The following CADM2 variants were observed in gnomAD, a reference collection of about 807,000 sequenced individuals.
CADM2 encodes the protein immunoglobulin superfamily member 4D.
In CADM2, 12 loss-of-function variants were observed where a neutral mutation model predicts 49.8. The observed-to-expected ratio is 0.24, with a 90% confidence interval of 0.15 to 0.39. The LOEUF is 0.39. CADM2 is among the 10% of genes least tolerant of loss of function. CADM2 has a pLI of 1.00. For synonymous variants in CADM2, 214 were observed against 175.4 expected (o/e 1.22, Z -1.74); for missense variants, 378 against 492.3 (o/e 0.77, Z 2.20).
At chr3:85,626,803 A>G (rs1370066632) in intron 1 of CADM2, among the ~76,000 whole-genome samples, 5 of 151,986 alleles carry the variant, frequency 3.3e-5, no homozygotes, top group Non-Finnish European at 5.9e-5. Context: ...AGGCTGTTAG[A>G]TAAACATGAA....
At chr3:85,831,073 A>G (rs991283105) in intron 3 of CADM2, among the ~76,000 whole-genome samples, 3 of 151,740 alleles carry the variant, frequency 2.0e-5, no homozygotes, top group Non-Finnish European at 4.4e-5. Context: ...TCTCACTTAT[A>G]AGAGAGAACC....
chr3:85,618,972 C>G (rs2063884975), intron 1 of CADM2, among the ~76,000 whole-genome samples: 1 of 151,526 alleles, frequency 6.6e-6, no homozygotes, highest in African/African-American at 2.4e-5. Context: ...ACCCGGGAGG[C>G]AGAGGTTGCA....
intron 3 of CADM2, among the ~76,000 whole-genome samples, chr3:85,854,293 G>T (rs757537290): frequency 6.6e-6 from 1 of 152,060 alleles, no homozygotes; most frequent in Non-Finnish European, 1.5e-5. Flanking sequence ...ATACCCAAAG[G>T]ATTATATTTC....
At chr3:85,959,614 A>G (rs1206474377) in intron 7 of CADM2, among the ~76,000 whole-genome samples, 3 of 151,902 alleles carry the variant, frequency 2.0e-5, no homozygotes, top group Admixed American at 6.6e-5. Flanking sequence ...ACAGTCATGC[A>G]CCATATAACA....
At chr3:85,917,561 G>A (rs1718522937) in intron 6 of CADM2, among the ~76,000 whole-genome samples, 2 of 152,138 alleles carry the variant, frequency 1.3e-5, no homozygotes, top group Non-Finnish European at 2.9e-5. Context: ...TGCTGTTTTG[G>A]TTACTGTAGC....
chr3:85,716,781 A>G (rs1050551740), intron 1 of CADM2, among the ~76,000 whole-genome samples: 2 of 152,066 alleles, frequency 1.3e-5, no homozygotes, highest in African/African-American at 4.8e-5. Context: ...AGTTTTTGTC[A>G]GGTTTTCAAA....
At chr3:85,722,370 T>A (rs2067537012) in intron 1 of CADM2, among the ~76,000 whole-genome samples, 1 of 152,190 alleles carries the variant, frequency 6.6e-6, no homozygotes, top group Admixed American at 6.5e-5. Flanking sequence ...TTAAAAAATC[T>A]AAGCTCTAAC....
At chr3:85,413,571 G>A (rs1245175783) in intron 1 of CADM2, among the ~76,000 whole-genome samples, 3 of 152,150 alleles carry the variant, frequency 2.0e-5, no homozygotes, top group African/African-American at 2.4e-5. Context: ...CATGGCAGAA[G>A]GGGAAGGGGA....
intron 1 of CADM2, among the ~76,000 whole-genome samples, chr3:84,990,371 A>C (rs1266650860): frequency 6.6e-6 from 1 of 151,752 alleles, no homozygotes; most frequent in Non-Finnish European, 1.5e-5. Flanking sequence ...TGTTTTGTTG[A>C]ATTCTAAAGA....
intron 1 of CADM2, among the ~76,000 whole-genome samples, chr3:85,136,865 G>A (rs962727332): frequency 4.6e-5 from 7 of 151,896 alleles, no homozygotes; most frequent in African/African-American, 1.7e-4. Flanking sequence ...TTGACATTTT[G>A]TAATTGTGTA....
At chr3:85,275,012 T>C (rs2043324261) in intron 1 of CADM2, among the ~76,000 whole-genome samples, 1 of 151,376 alleles carries the variant, frequency 6.6e-6, no homozygotes, top group Non-Finnish European at 1.5e-5. Flanking sequence ...GGAAAAAGCC[T>C]AGCCATAGAA....
Position 85,711,511 on chromosome 3 carries a change from T to C in CADM2, c.62-15011T>C, listed in dbSNP as rs115691561. On this transcript the variant is annotated intron_variant, in intron 1 of 9. Coordinates refer to ENST00000383699, the MANE Select transcript of CADM2 (RefSeq NM_001167675.2). ...CCTCTAAAACATTTAGGGCAGAACA[T>C]AGTAAAGAAAACTTTCTGAAGAATT... is the stretch of plus-strand genomic sequence containing the variant. Among the ~76,000 whole-genome samples, 337 of 152,290 alleles carry C rather than the reference T, an allele frequency of 2.2e-3. 1 individual carries two copies. The highest frequency in any genetic ancestry group is 7.8e-3 in the African/African-American group (323 of 41,568).
intron 1 of CADM2, among the ~76,000 whole-genome samples, chr3:85,551,068 C>T (rs530103638): frequency 1.3e-5 from 2 of 152,278 alleles, no homozygotes; most frequent in Admixed American, 6.5e-5. Flanking sequence ...ACTGAGACCT[C>T]TACCTCCAAG....
intron 8 of CADM2, among the ~76,000 whole-genome samples, chr3:86,043,520 G>A (rs1288390455): frequency 6.6e-6 from 1 of 152,168 alleles, no homozygotes; most frequent in East Asian, 1.9e-4. Flanking sequence ...TACAAGGGAT[G>A]TGAAGGACCT....
intron 1 of CADM2, among the ~76,000 whole-genome samples, chr3:85,645,860 AG>A (rs1433179036): frequency 6.6e-6 from 1 of 152,048 alleles, no homozygotes; most frequent in African/African-American, 2.4e-5. Flanking sequence ...GGAGGGGGTA[AG>A]AAAATACGTT....
intron 1 of CADM2, among the ~76,000 whole-genome samples, chr3:85,108,524 C>G (rs1385051674): frequency 6.6e-6 from 1 of 152,024 alleles, no homozygotes; most frequent in Non-Finnish European, 1.5e-5. Context: ...ATAGTACATA[C>G]CAGAGGCTGG....
chr3:85,359,666 A>ATATATTTTTTTT, intron 1 of CADM2, among the ~76,000 whole-genome samples: 3 of 26,554 alleles, frequency 1.1e-4, no homozygotes, highest in East Asian at 1.3e-3. Flanking sequence ...ATATATATAT[A>ATATATTTTTTTT]TTTTTTTTTT....
At chr3:85,131,880 G>A (rs1350846389) in intron 1 of CADM2, among the ~76,000 whole-genome samples, 1 of 131,334 alleles carries the variant, frequency 7.6e-6, no homozygotes, top group African/African-American at 2.9e-5. Flanking sequence ...TAACAATGTG[G>A]CTGTATAAAA....
chr3:85,137,673 T>C (rs62250644), intron 1 of CADM2, among the ~76,000 whole-genome samples: 18,889 of 151,982 alleles, frequency 0.12, 1,487 homozygotes, highest in East Asian at 0.27. Flanking sequence ...ATTTTCTAAG[T>C]TTAGGAAGCC....
Sources: allele counts gnomAD v4.1 joint callset (sites outside exome capture counted in the v4.1 genomes callset), GRCh38; gene constraint gnomAD v4.1.1; transcripts MANE v1.5; gene names NCBI Gene and HGNC (gene_info 2026-07-23, HGNC 2026-07-21).